Variants in FNDC8 observed in about 807,000 individuals in gnomAD.
FNDC8 encodes fibronectin type III domain-containing protein 8.
Under a neutral mutation model 24.8 loss-of-function variants are expected in FNDC8, and 23 were observed. The ratio of observed to expected loss-of-function variants is 0.93; its 90% CI spans 0.67 to 1.31. The LOEUF is 1.31. Among genes scored for constraint, FNDC8 ranks in the 40% most tolerant of loss-of-function variants. The probability of loss-of-function intolerance (pLI) is 0.00; values close to 1 mark genes in which losing one functional copy is unlikely to be tolerated. For missense variants in FNDC8, 371 were observed against 398.2 expected (o/e 0.93, Z 0.58); for synonymous variants, 158 against 165.3 (o/e 0.96, Z 0.34).
At chr17:35,130,058 A>G in intron 3 of FNDC8, 1 of 1,410,288 alleles carries the variant, frequency 7.1e-7, no homozygotes, top group Non-Finnish European at 9.2e-7. Context: ...GGGGGTATAG[A>G]GGCCTGAGTA....
intron 2 of FNDC8, 90 bp downstream of exon 2, chr17:35,127,507 C>T: frequency 7.1e-7 from 1 of 1,403,292 alleles, no homozygotes; most frequent in Non-Finnish European, 9.4e-7. Flanking sequence ...TGCCTGCCAC[C>T]TGCATGTCGA....
intron 3 of FNDC8, chr17:35,130,023 C>T: frequency 1.4e-6 from 2 of 1,387,310 alleles, no homozygotes; most frequent in South Asian, 1.7e-5. Flanking sequence ...AAGAAGGGAA[C>T]AGCCTGGGTA....
chr17:35,126,463 G>A (rs1021950500), intron 1 of FNDC8, among the ~76,000 whole-genome samples: 1 of 149,544 alleles, frequency 6.7e-6, no homozygotes, highest in African/African-American at 2.5e-5. Flanking sequence ...TTTAAATTGT[G>A]GTTTGCAGAA....
intron 3 of FNDC8, 84 bp from the exon 4 acceptor site, chr17:35,130,197 GA>G (rs200623536): frequency 1.4e-5 from 21 of 1,533,434 alleles, no homozygotes; most frequent in Admixed American, 8.4e-5. Context: ...TCAGCAGACA[GA>G]AAAAAAAGGG....
chr17:35,129,679 G>A, intron 3 of FNDC8, 21 bp downstream of exon 3: 1 of 1,609,312 alleles, frequency 6.2e-7, no homozygotes, highest in Non-Finnish European at 8.5e-7. Context: ...GGAAAAGAGG[G>A]GCCTTGGGGG....
intron 1 of FNDC8, among the ~76,000 whole-genome samples, chr17:35,123,160 G>A (rs1484118854): frequency 6.6e-6 from 1 of 152,192 alleles, no homozygotes; most frequent in Non-Finnish European, 1.5e-5. Flanking sequence ...CAAGGGGCCT[G>A]TGCTTAGTTT....
rs1555571324 is a variant in FNDC8 at position 35,126,497 on chromosome 17, C to CATTTTTTTTTTTTTTTTTTTTTTTTTTT, written c.210-545_210-544insATTTTTTTTTTTTTTTTTTTTTTTTTTT. On this transcript the variant is annotated intron_variant, in intron 1 of 3. Coordinates refer to ENST00000158009, the MANE Select transcript of FNDC8 (RefSeq NM_017559.4). ...AACACTTGCATCAGGATTTTCTAAG[C>CATTTTTTTTTTTTTTTTTTTTTTTTTTT]TTTTTTTTTTTTTTTTTTTTTTTGA... 2.7e-5 allele frequency among the ~76,000 whole-genome samples: 3 copies of CATTTTTTTTTTTTTTTTTTTTTTTTTTT among 112,046 alleles called. 1 individual carries two copies. The allele number at this position is 112,046 out of a possible 152,430, so 73.5% of individuals were successfully genotyped here.
In FNDC8 at chr17:35,127,234, C is replaced by T. The variant is rs145604406; in HGVS notation, c.402C>T (p.Asp134=). 3.6e-4 allele frequency: 588 copies of T among 1,613,616 alleles called. No homozygotes were observed. Among genetic ancestry groups the T allele is most frequent in the Non-Finnish European group, 4.6e-4 (548 of 1,179,778 alleles). ...SPMAKNAENE[D]LALGPCPCPS... is the part of the protein sequence containing the mutation. The stretch of plus-strand genomic sequence containing the variant: ...TGGCCAAGAATGCAGAAAATGAGGA[C>T]CTGGCGCTCGGCCCCTGCCCATGCC... Residue 134 remains aspartate, a synonymous_variant, in exon 2 of 4, where the codon GAC becomes GAT. Coordinates refer to ENST00000158009, the MANE Select transcript of FNDC8 (RefSeq NM_017559.4).
Position 35,129,581 on chromosome 17 carries a change from A to G in FNDC8, c.745A>G (p.Lys249Glu). 1.2e-6 allele frequency: 2 copies of G among 1,614,202 alleles called. No homozygotes were observed. Among genetic ancestry groups the G allele is most frequent in the South Asian group, 2.2e-5 (2 of 91,084 alleles). Residue 249 changes from lysine to glutamate, a missense_variant, in exon 3 of 4, where the codon AAG becomes GAG. Transcript: ENST00000158009. ...LGTTVKLMEL[K>E]PNTCYCLSVR... ...CACTACTGTCAAGCTGATGGAGCTA[A>G]AGCCTAACACGTGTTACTGCCTCAG...
intron 3 of FNDC8, chr17:35,129,949 T>G: frequency 7.3e-7 from 1 of 1,368,050 alleles, no homozygotes; most frequent in South Asian, 1.7e-5. Context: ...CCCATGATTG[T>G]GAGTAGGCTG....
Position 35,127,313 on chromosome 17 carries a change from C to G in FNDC8, c.481C>G (p.Leu161Val). ...CCTGCTGGACCTTGACAACCCTGAG[C>G]TGGAGACAGAAACCTCCTCAACGCA... is the stretch of plus-strand genomic sequence containing the variant. ...RGLLDLDNPELETETSSTHSE... is the reference protein window; with the variant it reads ...RGLLDLDNPEVETETSSTHSE... The change falls in exon 2 of 4, where the codon CTG (leucine) becomes GTG (valine). Residue 161 changes from leucine to valine, a missense_variant. Coordinates refer to ENST00000158009, the MANE Select transcript of FNDC8 (RefSeq NM_017559.4). 1 of 1,613,780 alleles carries G rather than the reference C, an allele frequency of 6.2e-7. No individual in the cohort carries two copies. Among genetic ancestry groups the G allele is most frequent in the South Asian group, 1.1e-5 (1 of 91,064 alleles).
chr17:35,123,668 G>A (rs2091838677), intron 1 of FNDC8, among the ~76,000 whole-genome samples: 1 of 152,100 alleles, frequency 6.6e-6, no homozygotes, highest in South Asian at 2.1e-4. Context: ...AACCTGGGAG[G>A]TGGAGGTCGC....
At chr17:35,128,746 G>C (rs2091859405) in intron 2 of FNDC8, 1 of 153,772 alleles carries the variant, frequency 6.5e-6, no homozygotes, top group African/African-American at 2.4e-5. Flanking sequence ...GATGAGTCAA[G>C]CATATTACAT....
chr17:35,123,203 A>G (rs2091836814), intron 1 of FNDC8, among the ~76,000 whole-genome samples: 1 of 152,168 alleles, frequency 6.6e-6, no homozygotes, highest in South Asian at 2.1e-4. Context: ...CAAATTCAGA[A>G]TTTTTGAATA....
At chr17:35,122,157 CATAT>C (rs1161260066) in intron 1 of FNDC8, among the ~76,000 whole-genome samples, 38 of 36,416 alleles carry the variant, frequency 1.0e-3, no homozygotes, top group South Asian at 1.3e-3. Context: ...GGCTAATTTT[CATAT>C]ATATATATAT....
intron 2 of FNDC8, 118 bp from the exon 3 acceptor site, chr17:35,129,304 C>T: frequency 7.4e-7 from 1 of 1,356,208 alleles, no homozygotes. Context: ...TCTGACCTGC[C>T]TGGGCCCCAG....
At position 35,121,793 on chromosome 17, in the gene FNDC8, C is replaced by T. The variant is rs1411337836; in HGVS notation, c.100C>T (p.Pro34Ser). 6.2e-7 allele frequency: 1 copy of T among 1,613,644 alleles called. No individual in the cohort carries two copies. Among genetic ancestry groups the T allele is most frequent in the African/African-American group, 1.3e-5 (1 of 74,822 alleles). ...GAATGCCCTTGACCAACTGCCAAAA[C>T]CCTTTTCAAACCCCAAGTCTATGAA... ...MMNALDQLPK[P>S]FSNPKSMNRT... The change falls in exon 1 of 4, where the codon CCC (proline) becomes TCC (serine). Residue 34 changes from proline to serine, a missense_variant. Physicochemically the swap from Pro to Ser is moderately conservative, Grantham distance 74. Coordinates refer to ENST00000158009, the MANE Select transcript of FNDC8 (RefSeq NM_017559.4).
chr17:35,124,458 C>T (rs1311127927), intron 1 of FNDC8, among the ~76,000 whole-genome samples: 2 of 151,914 alleles, frequency 1.3e-5, no homozygotes, highest in East Asian at 1.9e-4. Flanking sequence ...ACCCAGGAGG[C>T]GGAGGTTGCA....
chr17:35,122,944 C>T (rs748455318), intron 1 of FNDC8, among the ~76,000 whole-genome samples: 1 of 152,082 alleles, frequency 6.6e-6, no homozygotes, highest in African/African-American at 2.4e-5. Context: ...CTTGAGGGAC[C>T]AGAGGGGCTT....
Sources: allele counts gnomAD v4.1 joint callset (sites outside exome capture counted in the v4.1 genomes callset), GRCh38; gene constraint gnomAD v4.1.1; transcripts MANE v1.5; gene names NCBI Gene and HGNC (gene_info 2026-07-23, HGNC 2026-07-21).